PTGER4: variants seen among roughly 807,000 people sequenced by gnomAD.
The protein encoded by PTGER4 is prostaglandin E receptor 4.
PTGER4 carries 11 observed loss-of-function variants against 33.2 expected under a neutral mutation model. That is an observed-to-expected ratio of 0.33 (90% CI 0.21 to 0.55). PTGER4 has a LOEUF of 0.55. Among genes scored for constraint, PTGER4 ranks in the 20% least tolerant of loss-of-function variants. The pLI, the probability that PTGER4 is intolerant of heterozygous loss-of-function variation, is 0.92. For synonymous variants in PTGER4, 275 were observed against 281.5 expected (o/e 0.98, Z 0.23); for missense variants, 481 against 650.2 (o/e 0.74, Z 2.83).
At chr5:40,711,939 G>A in the PTGER4 span, among the ~76,000 whole-genome samples, 4 of 152,078 alleles carry the variant, frequency 2.6e-5, no homozygotes, top group African/African-American at 9.7e-5. Context: ...ACTGCAAAAG[G>A]GCTTTAGAGA....
the PTGER4 span, among the ~76,000 whole-genome samples, chr5:40,713,334 T>C: frequency 1.3e-5 from 2 of 152,306 alleles, no homozygotes; most frequent in East Asian, 3.9e-4. Context: ...TGAATCATTA[T>C]GTAATTTTCA....
chr5:40,697,242 GAA>G (rs1244764222), downstream of PTGER4, among the ~76,000 whole-genome samples: 1 of 47,538 alleles, frequency 2.1e-5, no homozygotes, highest in South Asian at 1.3e-3. Flanking sequence ...AAGAAAGAAA[GAA>G]AGAAAGAAAG....
the PTGER4 span, among the ~76,000 whole-genome samples, chr5:40,704,826 G>T: frequency 6.6e-6 from 1 of 152,108 alleles, no homozygotes; most frequent in African/African-American, 2.4e-5. Flanking sequence ...AATCAGAGAA[G>T]ACACAAGCAA....
chr5:40,736,068 G>T, the PTGER4 span, among the ~76,000 whole-genome samples: 2 of 152,138 alleles, frequency 1.3e-5, no homozygotes, highest in African/African-American at 4.8e-5. Context: ...AAAAATGAGA[G>T]GACAATTTCA....
the PTGER4 span, among the ~76,000 whole-genome samples, chr5:40,735,237 TATTG>T: frequency 1.3e-5 from 2 of 152,204 alleles, no homozygotes; most frequent in African/African-American, 4.8e-5. Flanking sequence ...AGACATGAAT[TATTG>T]ATTTACATTT....
chr5:40,730,943 G>A, the PTGER4 span, among the ~76,000 whole-genome samples: 1 of 152,016 alleles, frequency 6.6e-6, no homozygotes, highest in African/African-American at 2.4e-5. Context: ...AATAAATTTA[G>A]TACTGTGGTG....
chr5:40,704,444 T>C, the PTGER4 span, among the ~76,000 whole-genome samples: 1 of 152,128 alleles, frequency 6.6e-6, no homozygotes, highest in Non-Finnish European at 1.5e-5. Context: ...ATGCCCTCTC[T>C]CACCACTTTT....
the PTGER4 span, among the ~76,000 whole-genome samples, chr5:40,739,656 G>C: frequency 6.6e-6 from 1 of 152,074 alleles, no homozygotes; most frequent in East Asian, 1.9e-4. Flanking sequence ...CTTTCCTGAG[G>C]GCTCCCCAGA....
At chr5:40,733,242 C>G in the PTGER4 span, among the ~76,000 whole-genome samples, 6 of 152,220 alleles carry the variant, frequency 3.9e-5, no homozygotes, top group Non-Finnish European at 7.4e-5. Flanking sequence ...TTTCAGGAGT[C>G]TTTGACAGCT....
At chr5:40,706,277 A>G in the PTGER4 span, among the ~76,000 whole-genome samples, 1 of 152,120 alleles carries the variant, frequency 6.6e-6, no homozygotes, top group South Asian at 2.1e-4. Flanking sequence ...GCTAAATAAT[A>G]AGAATTTATG....
downstream of PTGER4, among the ~76,000 whole-genome samples, chr5:40,697,256 AAG>A (rs1201849434): frequency 1.0e-4 from 10 of 98,366 alleles, no homozygotes; most frequent in Admixed American, 2.4e-4. Context: ...GAAAGAAAGA[AAG>A]AAAGAAAGAA....
At chr5:40,721,551 C>T in the PTGER4 span, among the ~76,000 whole-genome samples, 2 of 151,920 alleles carry the variant, frequency 1.3e-5, no homozygotes, top group East Asian at 1.9e-4. Context: ...ACCGGATATC[C>T]GCGTGCAAAA....
the PTGER4 span, among the ~76,000 whole-genome samples, chr5:40,717,112 C>G: frequency 6.6e-6 from 1 of 151,420 alleles, no homozygotes; most frequent in African/African-American, 2.4e-5. Flanking sequence ...GCCTGTAATC[C>G]CAGCTACCCA....
downstream of PTGER4, among the ~76,000 whole-genome samples, chr5:40,694,646 T>C (rs971504798): frequency 1.3e-5 from 2 of 150,870 alleles, no homozygotes; most frequent in African/African-American, 2.5e-5. Flanking sequence ...ACACTAGTCA[T>C]ACTGGATTAG....
At position 40,693,443 on chromosome 5, in the gene PTGER4, T is replaced by A. The variant is rs1180433552; in HGVS notation, c.*1065T>A. 262 of 985,836 alleles carry A rather than the reference T, an allele frequency of 2.7e-4. No individual in the cohort carries two copies. Among genetic ancestry groups the A allele is most frequent in the Non-Finnish European group, 3.1e-4 (258 of 829,916 alleles). 61.1% of individuals were successfully genotyped at this position (985,836 alleles called of 1,614,324 possible). A position where few individuals can be genotyped will look rare whatever the true frequency, so the allele number is the denominator to read the frequency against. ...GCAAGTTGCATCAGAAAGCTTTATT[T>A]TGAGATGTAAAAAGATTCCCAAACG... On this transcript the variant is annotated 3_prime_UTR_variant, in exon 3 of 3. Transcript: ENST00000302472.
At chr5:40,684,983 T>G (rs898587811) in intron 2 of PTGER4, among the ~76,000 whole-genome samples, 1 of 152,176 alleles carries the variant, frequency 6.6e-6, no homozygotes, top group Non-Finnish European at 1.5e-5. Context: ...ATGCTGTAGC[T>G]TGATGAATTA....
At chr5:40,724,328 AT>A in the PTGER4 span, among the ~76,000 whole-genome samples, 3 of 152,152 alleles carry the variant, frequency 2.0e-5, no homozygotes, top group Non-Finnish European at 4.4e-5. Flanking sequence ...AGGCAAATTC[AT>A]AGACTCAAAA....
chr5:40,745,130 T>C, the PTGER4 span, among the ~76,000 whole-genome samples: 1 of 152,134 alleles, frequency 6.6e-6, no homozygotes, highest in Admixed American at 6.5e-5. Flanking sequence ...AACCCAAGGA[T>C]GCCAAAAGAC....
the PTGER4 span, among the ~76,000 whole-genome samples, chr5:40,712,177 T>C: frequency 3.3e-5 from 5 of 152,156 alleles, no homozygotes; most frequent in East Asian, 9.6e-4. Context: ...TCTGTCACAA[T>C]TCCAACTCAG....
Sources: allele counts gnomAD v4.1 joint callset (sites outside exome capture counted in the v4.1 genomes callset), GRCh38; gene constraint gnomAD v4.1.1; transcripts MANE v1.5; gene names NCBI Gene and HGNC (gene_info 2026-07-23, HGNC 2026-07-21).